Variants in NKAIN3 observed in about 807,000 individuals in gnomAD.
NKAIN3 encodes sodium/potassium transporting ATPase interacting 3, also known as sodium/potassium-transporting ATPase subunit beta-1-interacting protein 3.
NKAIN3 carries 25 observed loss-of-function variants against 30.2 expected under a neutral mutation model. The ratio of observed to expected loss-of-function variants is 0.83; its 90% confidence interval spans 0.60 to 1.16. The LOEUF (loss-of-function observed/expected upper bound fraction) is 1.16, where lower values mean the gene tolerates loss of function less well. Ranked by LOEUF, NKAIN3 falls within the 50% of genes most tolerant of loss-of-function variation. The pLI is 0.00. For synonymous variants in NKAIN3, 91 were observed against 89.6 expected (o/e 1.02, Z -0.09); for missense variants, 225 against 254.1 (o/e 0.89, Z 0.78).
At chr8:62,920,119 A>T (rs972501550) in intron 5 of NKAIN3, among the ~76,000 whole-genome samples, 1 of 152,240 alleles carries the variant, frequency 6.6e-6, no homozygotes, top group Non-Finnish European at 1.5e-5. Context: ...GCCAAAAAAC[A>T]GTTGGTTGAG....
intron 3 of NKAIN3, among the ~76,000 whole-genome samples, chr8:62,701,189 C>T (rs1814319348): frequency 6.6e-6 from 1 of 152,146 alleles, no homozygotes; most frequent in Non-Finnish European, 1.5e-5. Flanking sequence ...TTCATAATGC[C>T]ACTATAATGC....
At chr8:62,258,514 G>T (rs1812328920) in intron 1 of NKAIN3, among the ~76,000 whole-genome samples, 1 of 151,950 alleles carries the variant, frequency 6.6e-6, no homozygotes, top group Admixed American at 6.6e-5. Context: ...AAATATAGAT[G>T]GTTGTGGTGG....
chr8:62,351,733 G>A (rs2129591800), intron 1 of NKAIN3, among the ~76,000 whole-genome samples: 1 of 152,172 alleles, frequency 6.6e-6, no homozygotes, highest in African/African-American at 2.4e-5. Flanking sequence ...ATATGAAATT[G>A]ACCAGTTTTT....
At chr8:62,804,777 C>A (rs1282698471) in intron 4 of NKAIN3, among the ~76,000 whole-genome samples, 27 of 152,136 alleles carry the variant, frequency 1.8e-4, no homozygotes, top group Non-Finnish European at 7.3e-5. Flanking sequence ...ACCTATTCAA[C>A]ATAGTGTTGG....
At position 62,746,982 on chromosome 8, in the gene NKAIN3, A is replaced by G; in HGVS notation, c.324A>G (p.Arg108=). 6.2e-7 allele frequency: 1 copy of G among 1,613,892 alleles called. No homozygotes were observed. Among genetic ancestry groups the G allele is most frequent in the East Asian group, 2.2e-5 (1 of 44,874 alleles). Residue 108 remains arginine (R), a synonymous_variant, in exon 4 of 7, where the codon AGA becomes AGG. Transcript: ENST00000623646. Reference sequence around the variant, plus strand: ...TCTCTGTACATCGGTCATGGTGGAGAGAACATGGGCCTGGTTGTGTCAGAA... The same window carrying G: ...TCTCTGTACATCGGTCATGGTGGAGGGAACATGGGCCTGGTTGTGTCAGAA... The part of the protein sequence containing the change: ...FNISVHRSWW[R]EHGPGCVRRV...
intron 4 of NKAIN3, among the ~76,000 whole-genome samples, chr8:62,817,202 A>C (rs1168434046): frequency 6.6e-6 from 1 of 152,104 alleles, no homozygotes; most frequent in African/African-American, 2.4e-5. Context: ...GGAGGAGGTG[A>C]GTGCTGCATG....
At chr8:62,823,359 A>G (rs1484490773) in intron 4 of NKAIN3, among the ~76,000 whole-genome samples, 1 of 152,108 alleles carries the variant, frequency 6.6e-6, no homozygotes, top group Non-Finnish European at 1.5e-5. Context: ...GGGAAACCAC[A>G]GTTTTTTCTT....
intron 3 of NKAIN3, among the ~76,000 whole-genome samples, chr8:62,595,382 CTTTT>C (rs1181598520): frequency 2.5e-4 from 27 of 109,934 alleles, no homozygotes; most frequent in African/African-American, 9.4e-4. Context: ...GGGCTATTTT[CTTTT>C]TTTTTTTTTT....
chr8:62,501,884 G>A (rs1213005898), intron 1 of NKAIN3, among the ~76,000 whole-genome samples: 1 of 152,160 alleles, frequency 6.6e-6, no homozygotes, highest in Non-Finnish European at 1.5e-5. Context: ...CCTATGCTAA[G>A]TGATGAGTCA....
At chr8:62,611,250 G>T (rs1811280796) in intron 3 of NKAIN3, among the ~76,000 whole-genome samples, 1 of 151,990 alleles carries the variant, frequency 6.6e-6, no homozygotes, top group South Asian at 2.1e-4. Flanking sequence ...CATGAAATAT[G>T]AAATAAGCAC....
chr8:62,720,526 G>C (rs185134819), intron 3 of NKAIN3, among the ~76,000 whole-genome samples: 298 of 152,168 alleles, frequency 2.0e-3, no homozygotes, highest in Middle Eastern at 3.4e-3. Flanking sequence ...GCATGGATCC[G>C]ACCCATGGAT....
intron 1 of NKAIN3, among the ~76,000 whole-genome samples, chr8:62,451,976 C>T (rs1216560107): frequency 2.6e-5 from 4 of 152,044 alleles, no homozygotes; most frequent in Non-Finnish European, 4.4e-5. Context: ...CAGGATATAT[C>T]AATAGGTAGT....
At chr8:62,696,018 T>G (rs76535840) in intron 3 of NKAIN3, among the ~76,000 whole-genome samples, 1 of 152,286 alleles carries the variant, frequency 6.6e-6, no homozygotes, top group East Asian at 1.9e-4. Context: ...TCTGTATATA[T>G]AAAAACGCAA....
intron 1 of NKAIN3, among the ~76,000 whole-genome samples, chr8:62,475,422 C>T (rs1194048360): frequency 6.6e-6 from 1 of 152,122 alleles, no homozygotes; most frequent in Non-Finnish European, 1.5e-5. Flanking sequence ...GGCTGTGCCT[C>T]CATGGTCATT....
chr8:62,719,753 C>CTTTTTTTTT (rs60637445), intron 3 of NKAIN3, among the ~76,000 whole-genome samples: 9 of 90,442 alleles, frequency 1.0e-4, no homozygotes, highest in African/African-American at 8.1e-5. Context: ...ACATTTCTTT[C>CTTTTTTTTT]TTTTTTTTTT....
intron 4 of NKAIN3, among the ~76,000 whole-genome samples, chr8:62,768,740 T>C (rs1229927227): frequency 6.6e-6 from 1 of 152,180 alleles, no homozygotes; most frequent in Non-Finnish European, 1.5e-5. Context: ...GGTTTTCATG[T>C]CACTAGTGTC....
chr8:62,917,303 TC>T (rs1394781734), intron 4 of NKAIN3, among the ~76,000 whole-genome samples: 1 of 152,060 alleles, frequency 6.6e-6, no homozygotes, highest in Non-Finnish European at 1.5e-5. Context: ...AATGTTAAGC[TC>T]CCCAAGTGCT....
intron 3 of NKAIN3, among the ~76,000 whole-genome samples, chr8:62,667,143 T>C (rs1378694604): frequency 1.1e-5 from 1 of 87,976 alleles, no homozygotes; most frequent in Admixed American, 1.6e-4. Context: ...CACTCGGACC[T>C]GTTGTGGGGT....
rs1290584418 is a variant in NKAIN3 at position 62,879,170 on chromosome 8, T to C, written c.472-39283T>C. 3.9e-5 allele frequency among the ~76,000 whole-genome samples: 6 copies of C among 152,254 alleles called. No homozygotes were observed. The East Asian group carries it at 5.8e-4, about 15-fold the overall frequency. Reference sequence around the variant, plus strand: ...CTATTTCTCCACATCCTCTCCAGCATCTGTTGTTTCCTGACTTTTTAATGA... The same window carrying C: ...CTATTTCTCCACATCCTCTCCAGCACCTGTTGTTTCCTGACTTTTTAATGA... On this transcript the variant is annotated intron_variant, in intron 4 of 6. Transcript: ENST00000623646.
Sources: allele counts gnomAD v4.1 joint callset (sites outside exome capture counted in the v4.1 genomes callset), GRCh38; gene constraint gnomAD v4.1.1; transcripts MANE v1.5; gene names NCBI Gene and HGNC (gene_info 2026-07-23, HGNC 2026-07-21).